The following KHSRP variants were observed in gnomAD, a reference collection of about 807,000 sequenced individuals.
KHSRP encodes the protein far upstream element-binding protein 2.
A neutral mutation model predicts 94.9 loss-of-function variants in KHSRP; 13 were observed. The observed-to-expected ratio is 0.14, with a 90% CI of 0.09 to 0.22. KHSRP has a LOEUF of 0.22. KHSRP is among the 10% of genes least tolerant of loss of function. KHSRP has a pLI of 1.00. For missense variants in KHSRP, 710 were observed against 1,010.0 expected (o/e 0.70, Z 4.03); for synonymous variants, 495 against 401.4 (o/e 1.23, Z -2.79).
rs999238560 is a variant in KHSRP, at chr19:6,413,508, G to A, written c.*1516C>T. ...AGTCCTGGGAGGGGGGACGGGCGGG[G>A]CCGCGGGAGCTGAGCCAGGGCGGGA... On this transcript the variant is annotated 3_prime_UTR_variant, in exon 19 of 19. Transcript: ENST00000600480. The A allele has an allele frequency of 1.2e-5, 4 of 330,088 alleles. No individual in the cohort carries two copies. Among genetic ancestry groups the A allele is most frequent in the Non-Finnish European group, 2.5e-5 (4 of 159,820 alleles). 20.4% of individuals were successfully genotyped at this position (330,088 alleles called of 1,614,324 possible).
At position 6,415,736 on chromosome 19, in the gene KHSRP, T is replaced by TCGGGTGAGACGGGGG. The variant is rs2092139719; in HGVS notation, c.1688-3_1688-2insCCCCCGTCTCACCCG. On this transcript the variant is annotated splice_region_variant and splice_polypyrimidine_tract_variant and intron_variant, in intron 16 of 18. Transcript: ENST00000600480. The stretch of plus-strand genomic sequence containing the variant: ...CCGCGGCCGCTGCAGCTGCTTTGCC[T>TCGGGTGAGACGGGGG]GCAGGAGATACCTCGGGTGAGACGG... The TCGGGTGAGACGGGGG allele has an allele frequency of 1.3e-6, 2 of 1,550,296 alleles. No homozygotes were observed. The highest frequency in any genetic ancestry group is 1.7e-6 in the Non-Finnish European group (2 of 1,147,118).
chr19:6,415,775 G>T, intron 16 of KHSRP, 33 bp downstream of exon 16: 1 of 1,553,176 alleles, frequency 6.4e-7, no homozygotes, highest in Non-Finnish European at 8.7e-7. Context: ...GACAGAACAG[G>T]GCCTGCCCTC....
In KHSRP at chr19:6,420,118, T is replaced by G; in HGVS notation, c.502A>C (p.Asn168His). The change falls in exon 6 of 19, where the codon AAC becomes CAC. Residue 168 changes from asparagine (N) to histidine (H), a missense_variant. Physicochemically the swap from Asn to His is moderately conservative, Grantham distance 68. Around this residue, in one of 5 missense-constraint regions of KHSRP, gnomAD observed 288 missense variants for 501.1 expected, o/e 0.57. Coordinates refer to ENST00000600480, the MANE Select transcript of KHSRP (RefSeq NM_001366299.1). ...LIIGRGGEQI[N>H]KIQQDSGCKV... ...CAGCCTGAATCCTGTTGGATTTTGT[T>G]AATTTGTTCACCTCCTCTGCCAATG... 6.2e-7 allele frequency: 1 copy of G among 1,613,608 alleles called. No individual in the cohort carries two copies. Among genetic ancestry groups the G allele is most frequent in the Non-Finnish European group, 8.5e-7 (1 of 1,179,592 alleles).
At chr19:6,419,574 C>T (rs2092182379) in intron 6 of KHSRP, among the ~76,000 whole-genome samples, 1 of 152,298 alleles carries the variant, frequency 6.6e-6, no homozygotes, top group South Asian at 2.1e-4. Context: ...ACAACACGTG[C>T]TACACGCCCA....
At chr19:6,420,270 C>T in intron 5 of KHSRP, 126 bp from the exon 6 acceptor site, 1 of 1,142,384 alleles carries the variant, frequency 8.8e-7, no homozygotes, top group Non-Finnish European at 1.3e-6. Context: ...CTAGAGAGCT[C>T]CTGTCCTCTG....
chr19:6,418,911 C>T lies in KHSRP; in HGVS notation c.606-35G>A. 1.3e-6 allele frequency: 2 copies of T among 1,512,428 alleles called. No individual in the cohort carries two copies. 93.7% of individuals were successfully genotyped at this position (1,512,428 alleles called of 1,614,324 possible). A position where few individuals can be genotyped will look rare whatever the true frequency, so the allele number is the denominator to read the frequency against. On this transcript the variant is annotated intron_variant, in intron 7 of 18. Transcript: ENST00000600480. This position sits in a 1 kb window ranked among gnomAD's most constrained non-coding sequence, Gnocchi z 4.3. ...GGAGGAGCGGGGGATGAGCGGGTGC[C>T]ACCGCTGGAGAAAGGTACTGGTCTG...
At chr19:6,421,050 T>A (rs2092192126) in intron 4 of KHSRP, 1 of 573,754 alleles carries the variant, frequency 1.7e-6, no homozygotes, top group South Asian at 2.1e-5. Context: ...GACCACCCTA[T>A]CACTACAGTG....
At position 6,413,817 on chromosome 19, in the gene KHSRP, A is replaced by AT. The variant is rs1291807936; in HGVS notation, c.*1206dup. 1 of 177,394 alleles carries AT rather than the reference A, an allele frequency of 5.6e-6. No homozygotes were observed. Among genetic ancestry groups the AT allele is most frequent in the Non-Finnish European group, 1.1e-5 (1 of 93,432 alleles). The allele number at this position is 177,394 out of a possible 1,614,324, so 11.0% of individuals were successfully genotyped here. ...TTCTGCTTTGCTCTTTGTGTTTTTA[A>AT]TTTTTAAGTTTTTTTTTTTTTTTGG... is the stretch of plus-strand genomic sequence containing the variant. On this transcript the variant is annotated 3_prime_UTR_variant, in exon 19 of 19. Transcript: ENST00000600480.
chr19:6,417,181 G>T (rs1472272300), intron 11 of KHSRP, 94 bp from the exon 12 acceptor site: 2 of 947,444 alleles, frequency 2.1e-6, no homozygotes, highest in Middle Eastern at 3.4e-4. Context: ...ACACCACGCC[G>T]GCCTGAGATC....
At chr19:6,416,696 G>A (rs767707582) in intron 13 of KHSRP, 42 bp downstream of exon 13, 5 of 1,612,320 alleles carry the variant, frequency 3.1e-6, no homozygotes, top group Non-Finnish European at 4.2e-6. Flanking sequence ...GATGGCCCAG[G>A]GAAGAGGGGG....
chr19:6,414,853 A>C lies in KHSRP; in HGVS notation c.*171T>G. On this transcript the variant is annotated 3_prime_UTR_variant, in exon 19 of 19. Transcript: ENST00000600480. ...GCCCCCCGACTCCCCAGCAGTTCAG[A>C]AGTCCCGCCTGCGAGTCTCAGCGCT... The C allele has an allele frequency of 7.8e-7, 1 of 1,289,160 alleles. No homozygotes were observed. Among genetic ancestry groups the C allele is most frequent in the Non-Finnish European group, 9.8e-7 (1 of 1,018,258 alleles). The allele number at this position is 1,289,160 out of a possible 1,614,324, so 79.9% of individuals were successfully genotyped here.
chr19:6,414,352 G>C lies in KHSRP; in HGVS notation c.*672C>G. 4 of 1,378,164 alleles carry C rather than the reference G, an allele frequency of 2.9e-6. No individual in the cohort carries two copies. The highest frequency in any genetic ancestry group is 1.5e-5 in the African/African-American group (1 of 68,352). The allele number at this position is 1,378,164 out of a possible 1,614,324, so 85.4% of individuals were successfully genotyped here. A position where few individuals can be genotyped will look rare whatever the true frequency, so the allele number is the denominator to read the frequency against. On this transcript the variant is annotated 3_prime_UTR_variant, in exon 19 of 19. Transcript: ENST00000600480. ...TGGAGAAGGAGGGACAGAGCAGGAA[G>C]AGAGGAGAGGGGCCGCGGAGGGCGG...
At chr19:6,421,521 TG>T in intron 3 of KHSRP, 128 bp downstream of exon 3, 1 of 1,133,160 alleles carries the variant, frequency 8.8e-7, no homozygotes, top group Non-Finnish European at 1.3e-6. Context: ...CTCAAACGTA[TG>T]GGCCCCAGAA....
At chr19:6,416,686 G>A (rs1174777607) in intron 13 of KHSRP, 36 bp from the exon 14 acceptor site, 1 of 1,613,302 alleles carries the variant, frequency 6.2e-7, no homozygotes, top group Non-Finnish European at 8.5e-7. Context: ...GGCCTGCAGT[G>A]ATGGCCCAGG....
At position 6,416,753 on chromosome 19, in the gene KHSRP, G is replaced by A. The variant is rs2092149585; in HGVS notation, c.1312C>T (p.Leu438=). The change falls in exon 13 of 19, where the codon CTG becomes TTG. Residue 438 remains leucine (L), a synonymous_variant. Transcript: ENST00000600480. ...TFSIPTHKCG[L]VIGRGGENVK... ...CCACACTCACCTCGGCCGATGACCA[G>A]CCCACACTTGTGAGTGGGGATGGAG... 2 of 1,597,662 alleles carry A rather than the reference G, an allele frequency of 1.3e-6. No individual in the cohort carries two copies. Among genetic ancestry groups the A allele is most frequent in the Non-Finnish European group, 1.7e-6 (2 of 1,170,744 alleles).
intron 1 of KHSRP, chr19:6,424,109 G>C (rs1221957294): frequency 2.0e-5 from 3 of 152,128 alleles, no homozygotes. Context: ...GAGAGTAAAG[G>C]CCCTCCGCCC....
At position 6,416,891 on chromosome 19, in the gene KHSRP, C is replaced by CA. The variant is rs773944724; in HGVS notation, c.1183-10dup. The CA allele has an allele frequency of 6.2e-7, 1 of 1,612,014 alleles. No individual in the cohort carries two copies. Among genetic ancestry groups the CA allele is most frequent in the Non-Finnish European group, 8.5e-7 (1 of 1,179,378 alleles). On this transcript the variant is annotated splice_polypyrimidine_tract_variant and intron_variant, in intron 12 of 18. Coordinates refer to ENST00000600480, the MANE Select transcript of KHSRP (RefSeq NM_001366299.1). ...GGACCTGGGGGACCACTCTGCAAGA[C>CA]AAGAGGAGGAGGAGGATGATGAACC...
At position 6,420,125 on chromosome 19, in the gene KHSRP, T is replaced by C; in HGVS notation, c.495A>G (p.Glu165=). The change falls in exon 6 of 19, where the codon GAA becomes GAG. Residue 165 remains glutamate (E), a synonymous_variant. Transcript: ENST00000600480. ...MVGLIIGRGG[E]QINKIQQDSG... The stretch of plus-strand genomic sequence containing the variant: ...AATCCTGTTGGATTTTGTTAATTTG[T>C]TCACCTCCTCTGCCAATGACTGGAT... The C allele has an allele frequency of 6.2e-7, 1 of 1,613,372 alleles. No homozygotes were observed. Among genetic ancestry groups the C allele is most frequent in the Non-Finnish European group, 8.5e-7 (1 of 1,179,418 alleles).
chr19:6,417,926 G>C, intron 10 of KHSRP, 55 bp downstream of exon 10: 1 of 1,600,006 alleles, frequency 6.2e-7, no homozygotes, highest in East Asian at 2.2e-5. Flanking sequence ...CACTCACCCC[G>C]GCCCCTCCCT....
Sources: allele counts gnomAD v4.1 joint callset (sites outside exome capture counted in the v4.1 genomes callset), GRCh38; gene constraint gnomAD v4.1.1; regional missense constraint gnomAD v4.1.1; non-coding constraint Gnocchi (gnomAD v3.1); transcripts MANE v1.5; gene names NCBI Gene and HGNC (gene_info 2026-07-23, HGNC 2026-07-21).